GABRB2: variants seen among roughly 807,000 people sequenced by gnomAD.
The protein encoded by GABRB2 is gamma-aminobutyric acid type A receptor subunit beta2.
Under a neutral mutation model 54.7 loss-of-function variants are expected in GABRB2, and 16 were observed. The observed-to-expected ratio is 0.29, with a 90% CI of 0.20 to 0.44. The LOEUF (loss-of-function observed/expected upper bound fraction) is 0.44. Among genes scored for constraint, GABRB2 ranks in the 20% least tolerant of loss-of-function variants. The probability of loss-of-function intolerance (pLI) is 1.00; values close to 1 mark genes in which losing one functional copy is unlikely to be tolerated. For synonymous variants in GABRB2, 244 were observed against 233.8 expected (o/e 1.04, Z -0.40); for missense variants, 355 against 644.0 (o/e 0.55, Z 4.86).
intron 3 of GABRB2, among the ~76,000 whole-genome samples, chr5:161,483,854 C>G (rs1758838604): frequency 6.6e-6 from 1 of 151,966 alleles, no homozygotes; most frequent in Admixed American, 6.6e-5. Context: ...AAATCCCTGA[C>G]AGATGGTAAC....
intron 3 of GABRB2, among the ~76,000 whole-genome samples, chr5:161,503,768 G>A (rs1310007624): frequency 6.7e-6 from 1 of 148,914 alleles, no homozygotes; most frequent in African/African-American, 2.5e-5. Flanking sequence ...ATCAGACAGA[G>A]ATTGTCAAAC....
At chr5:161,339,290 AC>A (rs1486832843) in intron 5 of GABRB2, among the ~76,000 whole-genome samples, 2 of 152,142 alleles carry the variant, frequency 1.3e-5, no homozygotes, top group African/African-American at 2.4e-5. Context: ...CAAGATAGTA[AC>A]TGGCAGCATG....
At chr5:161,519,409 G>A (rs559090485) in intron 3 of GABRB2, among the ~76,000 whole-genome samples, 12 of 152,136 alleles carry the variant, frequency 7.9e-5, no homozygotes, top group Non-Finnish European at 1.5e-4. Context: ...ATGACTTTAC[G>A]AAGAAGGCTT....
chr5:161,392,523 G>T (rs1044438696), intron 5 of GABRB2, among the ~76,000 whole-genome samples: 3 of 152,170 alleles, frequency 2.0e-5, no homozygotes, highest in Non-Finnish European at 2.9e-5. Flanking sequence ...GTTGTTAACA[G>T]CTCAGGCTTT....
rs79215699 is a variant in GABRB2 at position 161,361,810 on chromosome 5, C to A, written c.542-25041G>T. On this transcript the variant is annotated intron_variant, in intron 5 of 9. Coordinates refer to ENST00000393959, the MANE Select transcript of GABRB2 (RefSeq NM_001371727.1). ...TTCAAGTCCATCCTGGGCAACACAG[C>A]CAGACCCTGCCTTTATAAAAAATTT... Among the ~76,000 whole-genome samples the A allele has an allele frequency of 7.8e-3, 1,192 of 152,234 alleles. 7 individuals are homozygous for A. The highest frequency in any genetic ancestry group is 0.013 in the Non-Finnish European group (868 of 68,026).
intron 4 of GABRB2, among the ~76,000 whole-genome samples, chr5:161,453,005 A>G (rs1407103373): frequency 6.6e-6 from 1 of 152,172 alleles, no homozygotes; most frequent in Non-Finnish European, 1.5e-5. Context: ...CACACACAAA[A>G]AAATTTCTGT....
chr5:161,332,375 G>T (rs1753878583), intron 7 of GABRB2, among the ~76,000 whole-genome samples: 1 of 152,100 alleles, frequency 6.6e-6, no homozygotes, highest in South Asian at 2.1e-4. Flanking sequence ...CATGTATATG[G>T]ATCGGACAAT....
At chr5:161,503,567 G>T (rs1759512085) in intron 3 of GABRB2, among the ~76,000 whole-genome samples, 1 of 152,014 alleles carries the variant, frequency 6.6e-6, no homozygotes, top group Non-Finnish European at 1.5e-5. Context: ...AGTTAGCCGG[G>T]CATGGTGGTG....
At chr5:161,366,099 C>A (rs541584696) in intron 5 of GABRB2, among the ~76,000 whole-genome samples, 1 of 150,738 alleles carries the variant, frequency 6.6e-6, no homozygotes, top group African/African-American at 2.4e-5. Flanking sequence ...ACTTTTATGT[C>A]AGGGAGCATT....
Position 161,289,229 on chromosome 5 carries a change from C to G in GABRB2, c.*4852G>C, listed in dbSNP as rs372845022. On this transcript the variant is annotated 3_prime_UTR_variant, in exon 10 of 10. Transcript: ENST00000393959. ...AAAACCTAGTAGCTTTTTAAGAGTG[C>G]TGCTTTTTTTTTTTTTTTTTGTACA... 1 of 68,000 alleles carries G rather than the reference C, an allele frequency of 1.5e-5. No homozygotes were observed. Among genetic ancestry groups the G allele is most frequent in the Admixed American group, 1.6e-4 (1 of 6,206 alleles). The allele number at this position is 68,000 out of a possible 1,614,324, so 4.2% of individuals were successfully genotyped here.
At chr5:161,410,103 CATT>C (rs941743231) in intron 5 of GABRB2, among the ~76,000 whole-genome samples, 21 of 152,164 alleles carry the variant, frequency 1.4e-4, no homozygotes, top group Admixed American at 1.0e-3. Context: ...TCCAGTTACT[CATT>C]ATTTAGAATT....
In GABRB2 at chr5:161,290,609, AATGCATATAT is replaced by A. The variant is rs747404211; in HGVS notation, c.*3462_*3471del. On this transcript the variant is annotated 3_prime_UTR_variant, in exon 10 of 10. Coordinates refer to ENST00000393959, the MANE Select transcript of GABRB2 (RefSeq NM_001371727.1). ...TATTCCTTTTGTTTTCCAACATATG[AATGCATATAT>A]ATGTATGTATGTTTATATGAATCTA... 7 of 152,694 alleles carry A rather than the reference AATGCATATAT, an allele frequency of 4.6e-5. No individual in the cohort carries two copies. Among genetic ancestry groups the A allele is most frequent in the Admixed American group, 2.0e-4 (3 of 15,272 alleles). 9.5% of individuals were successfully genotyped at this position (152,694 alleles called of 1,614,324 possible). A position where few individuals can be genotyped will look rare whatever the true frequency, so the allele number is the denominator to read the frequency against.
At chr5:161,500,442 C>T (rs532026223) in intron 3 of GABRB2, among the ~76,000 whole-genome samples, 1 of 152,036 alleles carries the variant, frequency 6.6e-6, no homozygotes, top group African/African-American at 2.4e-5. Context: ...TTGATTGTTA[C>T]CAGGATAAAA....
chr5:161,425,845 G>T (rs1169291806), intron 4 of GABRB2, among the ~76,000 whole-genome samples: 1 of 151,934 alleles, frequency 6.6e-6, no homozygotes, highest in East Asian at 1.9e-4. Context: ...ATTGTCTTTT[G>T]TTTTTTCAAA....
chr5:161,500,494 G>T (rs920491150), intron 3 of GABRB2, among the ~76,000 whole-genome samples: 1 of 152,068 alleles, frequency 6.6e-6, no homozygotes, highest in African/African-American at 2.4e-5. Flanking sequence ...CTGTAACAGG[G>T]AATTGGTTAA....
chr5:161,514,775 A>G (rs947581476), intron 3 of GABRB2, among the ~76,000 whole-genome samples: 2 of 152,218 alleles, frequency 1.3e-5, no homozygotes, highest in Non-Finnish European at 2.9e-5. Context: ...ATACCACTCG[A>G]AATTCTAGTC....
intron 5 of GABRB2, among the ~76,000 whole-genome samples, chr5:161,372,651 A>T (rs1465677196): frequency 6.6e-6 from 1 of 152,162 alleles, no homozygotes; most frequent in East Asian, 1.9e-4. Flanking sequence ...TATTAACAAT[A>T]ATAAAAGCAG....
chr5:161,473,104 GT>G (rs1758494622), intron 3 of GABRB2, among the ~76,000 whole-genome samples: 1 of 152,054 alleles, frequency 6.6e-6, no homozygotes, highest in African/African-American at 2.4e-5. Context: ...TTTATATTGA[GT>G]TTTTTAGATG....
At chr5:161,486,396 A>T (rs535580916) in intron 3 of GABRB2, among the ~76,000 whole-genome samples, 1 of 151,982 alleles carries the variant, frequency 6.6e-6, no homozygotes, top group African/African-American at 2.4e-5. Flanking sequence ...GGAAGTAAAC[A>T]TCTTGCCCAT....
Sources: gnomAD v4.1 joint callset for allele counts (sites outside exome capture counted in the v4.1 genomes callset) on GRCh38, gnomAD v4.1.1 for gene constraint, MANE v1.5 for transcripts, NCBI Gene and HGNC (gene_info 2026-07-23, HGNC 2026-07-21) for gene names.